Variants in CLYBL observed in about 807,000 individuals in gnomAD.
The protein encoded by CLYBL is citramalyl-CoA lyase, also known as citramalyl-CoA lyase, mitochondrial.
A neutral mutation model predicts 38.9 loss-of-function variants in CLYBL; 31 were observed. The observed-to-expected ratio is 0.80, with a 90% CI of 0.60 to 1.08. The LOEUF is 1.08. Ranked by LOEUF, CLYBL falls within the 50% of genes least tolerant of loss-of-function variation. CLYBL has a pLI of 0.00. For synonymous variants in CLYBL, 171 were observed against 158.6 expected, an observed-to-expected ratio of 1.08 and a Z score of -0.59; for missense variants, 434 against 411.6, an observed-to-expected ratio of 1.05 and a Z score of -0.47.
In CLYBL at chr13:99,862,917, A is replaced by G. The variant is rs567499153; in HGVS notation, c.439-74A>G. On this transcript the variant is annotated intron_variant, in intron 3 of 8. Transcript: ENST00000339105. ...ACTTCCTCAGGTCAAAGACTTAAATACTACTTCTGGGTCTACATTTCCGTG... is the reference window on the plus strand; with the variant it reads ...ACTTCCTCAGGTCAAAGACTTAAATGCTACTTCTGGGTCTACATTTCCGTG... The G allele has an allele frequency of 2.6e-4, 170 of 656,408 alleles. 4 individuals are homozygous for G. The South Asian group carries it at 3.4e-3, about 13-fold the overall frequency. 40.7% of individuals were successfully genotyped at this position (656,408 alleles called of 1,614,324 possible).
chr13:99,668,847 G>C lies in CLYBL; in HGVS notation c.62+62090G>C, dbSNP rs182383082. Among the ~76,000 whole-genome samples the C allele has an allele frequency of 3.1e-3, 468 of 152,148 alleles. 4 individuals are homozygous for C. The highest frequency in any genetic ancestry group is 0.011 in the African/African-American group (446 of 41,502). ...AGGGATAAAATCACACTCCAAGGCC[G>C]TGATATGATTGAATCAAGGTGTTAA... On this transcript the variant is annotated intron_variant, in intron 1 of 8. Transcript: ENST00000339105.
chr13:99,612,525 C>T (rs1465573530), intron 1 of CLYBL, among the ~76,000 whole-genome samples: 5 of 151,616 alleles, frequency 3.3e-5, no homozygotes, highest in Admixed American at 2.6e-4. Flanking sequence ...GTAGCTGAGA[C>T]TACAGGCATT....
intron 1 of CLYBL, among the ~76,000 whole-genome samples, chr13:99,629,432 C>T (rs1285093350): frequency 6.6e-6 from 1 of 152,122 alleles, no homozygotes; most frequent in East Asian, 1.9e-4. Context: ...ACCTGATTGC[C>T]CCTGGTTGGC....
chr13:99,818,981 CA>C (rs1291978142), intron 2 of CLYBL, among the ~76,000 whole-genome samples: 4 of 151,882 alleles, frequency 2.6e-5, no homozygotes, highest in Non-Finnish European at 5.9e-5. Context: ...CTTATCAAGA[CA>C]AAAAAATTCT....
chr13:99,721,234 G>A (rs1184562757), intron 1 of CLYBL, among the ~76,000 whole-genome samples: 2 of 151,418 alleles, frequency 1.3e-5, no homozygotes, highest in African/African-American at 2.4e-5. Context: ...TAGTAGAGAC[G>A]GGGTTTCACC....
At chr13:99,895,423 T>G (rs981896653), downstream of CLYBL, 1 of 151,994 alleles carries the variant, frequency 6.6e-6, no homozygotes. Context: ...GAGGGTCGGG[T>G]GTGACCCGCG....
Position 99,606,773 on chromosome 13 carries a change from C to T in CLYBL, c.62+16C>T, listed in dbSNP as rs755345109. On this transcript the variant is annotated intron_variant, in intron 1 of 8. Transcript: ENST00000339105. ...TGCTGAGGCTGTGAGTGCAGGTCCC[C>T]GTTCCCCGCCTTCCCGGCCCGGCTC... The T allele has an allele frequency of 2.1e-6, 3 of 1,404,486 alleles. No homozygotes were observed. The highest frequency in any genetic ancestry group is 1.5e-5 in the African/African-American group (1 of 66,664). The allele number at this position is 1,404,486 out of a possible 1,614,324, so 87.0% of individuals were successfully genotyped here.
At chr13:99,882,865 A>C (rs1376637745) in intron 7 of CLYBL, among the ~76,000 whole-genome samples, 1 of 151,968 alleles carries the variant, frequency 6.6e-6, no homozygotes, top group Admixed American at 6.5e-5. Context: ...CCTCAAGGAA[A>C]CTGACATCCT....
intron 7 of CLYBL, among the ~76,000 whole-genome samples, chr13:99,881,402 A>G (rs1254331802): frequency 1.3e-5 from 2 of 152,184 alleles, no homozygotes; most frequent in South Asian, 2.1e-4. Flanking sequence ...CTCCAGTCAT[A>G]TTCTTTTACT....
At chr13:99,615,658 G>T (rs549149109) in intron 1 of CLYBL, among the ~76,000 whole-genome samples, 40 of 152,248 alleles carry the variant, frequency 2.6e-4, no homozygotes, top group Middle Eastern at 3.4e-3. Flanking sequence ...ATTCAAACAG[G>T]TTTAGTTTAT....
At chr13:99,847,918 G>A (rs1439961768) in intron 2 of CLYBL, among the ~76,000 whole-genome samples, 2 of 152,158 alleles carry the variant, frequency 1.3e-5, no homozygotes, top group African/African-American at 4.8e-5. Flanking sequence ...GTGTCTCCAA[G>A]CCCTGGGCTG....
At chr13:99,706,460 G>A (rs1267851539) in intron 1 of CLYBL, among the ~76,000 whole-genome samples, 1 of 152,146 alleles carries the variant, frequency 6.6e-6, no homozygotes, top group Non-Finnish European at 1.5e-5. Flanking sequence ...TAGGCACGGT[G>A]GCTGTGCTAT....
chr13:99,659,001 C>T (rs2047370902), intron 1 of CLYBL, among the ~76,000 whole-genome samples: 1 of 152,130 alleles, frequency 6.6e-6, no homozygotes. Context: ...AGAGATTTTT[C>T]CCCCAGGGGC....
chr13:99,716,638 C>T (rs1358178911), intron 1 of CLYBL, among the ~76,000 whole-genome samples: 2 of 151,868 alleles, frequency 1.3e-5, no homozygotes, highest in African/African-American at 4.8e-5. Flanking sequence ...CCCACCTCGG[C>T]CTCCCAAAGT....
chr13:99,875,194 A>G (rs1460675689), intron 7 of CLYBL, among the ~76,000 whole-genome samples: 1 of 152,260 alleles, frequency 6.6e-6, no homozygotes, highest in Admixed American at 6.5e-5. Context: ...AAACAAGATC[A>G]CTACCTGGCC....
chr13:99,821,090 T>G (rs1026841073), intron 2 of CLYBL, among the ~76,000 whole-genome samples: 1 of 152,248 alleles, frequency 6.6e-6, no homozygotes, highest in Non-Finnish European at 1.5e-5. Context: ...TAGAAACTGC[T>G]TGGTGGAAGC....
intron 7 of CLYBL, among the ~76,000 whole-genome samples, chr13:99,888,525 A>C (rs2052408964): frequency 6.6e-6 from 1 of 152,090 alleles, no homozygotes; most frequent in African/African-American, 2.4e-5. Flanking sequence ...CGAGGTGGGC[A>C]GATCAGCTGA....
At chr13:99,743,059 T>C (rs886755867) in intron 1 of CLYBL, among the ~76,000 whole-genome samples, 42 of 151,916 alleles carry the variant, frequency 2.8e-4, no homozygotes, top group Non-Finnish European at 4.9e-4. Context: ...TCTTTTTTTT[T>C]TTTCTTTGCA....
At chr13:99,808,112 G>A (rs183772099) in intron 2 of CLYBL, among the ~76,000 whole-genome samples, 10 of 152,136 alleles carry the variant, frequency 6.6e-5, no homozygotes, top group Admixed American at 5.2e-4. Context: ...TTGAAATGGG[G>A]TCTCACTCTG....
Sources: gnomAD v4.1 joint callset for allele counts (sites outside exome capture counted in the v4.1 genomes callset) on GRCh38, gnomAD v4.1.1 for gene constraint, MANE v1.5 for transcripts, NCBI Gene and HGNC (gene_info 2026-07-23, HGNC 2026-07-21) for gene names.